PUDP: variants seen among roughly 807,000 people sequenced by gnomAD.
PUDP encodes pseudouridine-5'-phosphatase.
A neutral mutation model predicts 9.4 loss-of-function variants in PUDP; 8 were observed. That is an observed-to-expected ratio of 0.85 (90% confidence interval 0.50 to 1.53). The LOEUF is 1.53. Among genes scored for constraint, PUDP ranks in the 40% most tolerant of loss-of-function variants. The pLI is 0.00. For synonymous variants in PUDP, 99 were observed against 80.7 expected (o/e 1.23, Z -1.22); for missense variants, 188 against 189.7 (o/e 0.99, Z 0.05).
At chrX:6,972,385 A>G (rs1346424785) in intron 3 of PUDP, among the ~76,000 whole-genome samples, 6 of 112,173 alleles carry the variant, frequency 5.3e-5, no homozygotes, top group Non-Finnish European at 1.1e-4. Flanking sequence ...ACGTTCCATC[A>G]ATACCTAGTT....
chrX:6,757,330 T>C (rs1925180757), intron 3 of PUDP, among the ~76,000 whole-genome samples: 1 of 109,830 alleles, frequency 9.1e-6, no homozygotes, highest in Admixed American at 9.8e-5. Flanking sequence ...GAAACAGAAA[T>C]GAGGGTTAAG....
intron 3 of PUDP, among the ~76,000 whole-genome samples, chrX:6,838,452 T>C (rs1015037263): frequency 8.9e-6 from 1 of 112,286 alleles, no homozygotes; most frequent in Admixed American, 9.4e-5. Flanking sequence ...GAACTTTGCA[T>C]TGATGACATT....
intron 1 of PUDP, among the ~76,000 whole-genome samples, chrX:7,120,594 T>C (rs187207950): frequency 1.1e-3 from 122 of 112,663 alleles, no homozygotes; most frequent in African/African-American, 3.8e-3. Context: ...TTGGGCAGTT[T>C]CTTTAAAAGT....
At chrX:6,721,468 G>A (rs904382258) in exon 1 of PUDP, 1 of 112,100 alleles carries the variant, frequency 8.9e-6, no homozygotes, top group Admixed American at 9.5e-5. Context: ...GATTTGCCCA[G>A]AAAAGAATGA....
At chrX:7,076,625 C>A (rs898743351) in intron 3 of PUDP, among the ~76,000 whole-genome samples, 2 of 111,855 alleles carry the variant, frequency 1.8e-5, no homozygotes, top group Non-Finnish European at 3.8e-5. Context: ...GCCGTCTCCA[C>A]TGCATACCCT....
chrX:6,747,579 A>G (rs1047477916), intron 3 of PUDP, among the ~76,000 whole-genome samples: 2 of 112,256 alleles, frequency 1.8e-5, no homozygotes, highest in African/African-American at 6.5e-5. Flanking sequence ...GGAAAGGTAT[A>G]TTTAAATATC....
chrX:7,007,685 T>C (rs748868121), intron 1 of PUDP, among the ~76,000 whole-genome samples: 2 of 112,387 alleles, frequency 1.8e-5, no homozygotes, highest in South Asian at 7.4e-4. Context: ...TCATTCCTCA[T>C]ATTTCCCTTG....
chrX:6,723,323 T>C (rs1424541861), upstream of PUDP, among the ~76,000 whole-genome samples: 1 of 103,605 alleles, frequency 9.7e-6, no homozygotes, highest in Non-Finnish European at 2.0e-5. Context: ...TATTCCCAGT[T>C]ACTCAGGAGG....
chrX:7,025,359 C>A (rs1929694750), intron 1 of PUDP, among the ~76,000 whole-genome samples: 1 of 112,054 alleles, frequency 8.9e-6, no homozygotes, highest in Non-Finnish European at 1.9e-5. Flanking sequence ...GTCTTAAAGT[C>A]TTTTCTAAGC....
chrX:7,102,208 A>T (rs1931753873), intron 2 of PUDP, among the ~76,000 whole-genome samples: 1 of 110,601 alleles, frequency 9.0e-6, no homozygotes, highest in Admixed American at 9.6e-5. Flanking sequence ...AGATATTAGC[A>T]AACAATTCCA....
intron 3 of PUDP, among the ~76,000 whole-genome samples, chrX:6,775,112 T>G (rs901684392): frequency 8.0e-5 from 9 of 112,135 alleles, no homozygotes; most frequent in African/African-American, 2.3e-4. Context: ...CATTCCCTGC[T>G]CCCATCCTCA....
At chrX:7,099,712 T>C (rs1378016345) in intron 2 of PUDP, among the ~76,000 whole-genome samples, 1 of 111,714 alleles carries the variant, frequency 9.0e-6, no homozygotes, top group Non-Finnish European at 1.9e-5. Flanking sequence ...AGCCCTCCTA[T>C]ACCATGACCA....
intron 1 of PUDP, among the ~76,000 whole-genome samples, chrX:6,993,753 T>C (rs1929216038): frequency 8.9e-6 from 1 of 112,130 alleles, no homozygotes. Flanking sequence ...ATGTTGCTGC[T>C]TCCACTCCAA....
intron 3 of PUDP, among the ~76,000 whole-genome samples, chrX:6,727,146 A>G (rs999141782): frequency 8.9e-6 from 1 of 111,739 alleles, no homozygotes; most frequent in Non-Finnish European, 1.9e-5. Context: ...AAATGAAAAA[A>G]TCATAAAACT....
intron 3 of PUDP, among the ~76,000 whole-genome samples, chrX:6,785,816 A>T (rs1925637992): frequency 9.0e-6 from 1 of 111,726 alleles, no homozygotes; most frequent in African/African-American, 3.3e-5. Flanking sequence ...ATTGGGCAGC[A>T]TTTGTTATAA....
chrX:6,924,907 T>A (rs1227451072), intron 3 of PUDP, among the ~76,000 whole-genome samples: 1 of 112,671 alleles, frequency 8.9e-6, no homozygotes, highest in Non-Finnish European at 1.9e-5. Context: ...GCTATGCGCA[T>A]CTCAGATGCC....
At chrX:7,077,992 A>G (rs1930968406) in intron 2 of PUDP, among the ~76,000 whole-genome samples, 1 of 112,721 alleles carries the variant, frequency 8.9e-6, no homozygotes, top group Admixed American at 9.3e-5. Flanking sequence ...GATGCTGAAG[A>G]AGGCTGTGGC....
At position 6,799,143 on chromosome X, in the gene PUDP, G is replaced by A. The variant is rs184128783; in HGVS notation, c.*248-92677C>T. Reference sequence around the variant, plus strand: ...CAAAATGGATGAGATATGATATGTGGTTAACTGCTAAACTTTAACCTTCAT... The same window carrying A: ...CAAAATGGATGAGATATGATATGTGATTAACTGCTAAACTTTAACCTTCAT... On this transcript the variant is annotated intron_variant and NMD_transcript_variant, in intron 3 of 3. Coordinates refer to the PUDP transcript ENST00000655425. 1.1e-4 allele frequency among the ~76,000 whole-genome samples: 12 copies of A among 112,181 alleles called. No homozygotes were observed. The East Asian group carries it at 2.8e-3, about 26-fold the overall frequency.
At chrX:6,935,265 G>A (rs1420747478) in intron 3 of PUDP, among the ~76,000 whole-genome samples, 6 of 93,273 alleles carry the variant, frequency 6.4e-5, no homozygotes, top group African/African-American at 2.4e-4. Context: ...TAAAAGAACA[G>A]AAATTATAAC....
Sources: allele counts gnomAD v4.1 joint callset (sites outside exome capture counted in the v4.1 genomes callset), GRCh38; gene constraint gnomAD v4.1.1; transcripts MANE v1.5; gene names NCBI Gene and HGNC (gene_info 2026-07-23, HGNC 2026-07-21).